Variants in GABRA3 observed in about 807,000 individuals in gnomAD.
The protein encoded by GABRA3 is gamma-aminobutyric acid receptor subunit alpha-3.
In GABRA3, 10 loss-of-function variants were observed where a neutral mutation model predicts 30.1. The ratio of observed to expected loss-of-function variants is 0.33; its 90% CI spans 0.20 to 0.56. GABRA3 has a LOEUF of 0.56. GABRA3 is among the 20% of genes least tolerant of loss of function. GABRA3 has a pLI of 0.89. For synonymous variants in GABRA3, 151 were observed against 146.8 expected (o/e 1.03, Z -0.21); for missense variants, 233 against 392.0 (o/e 0.59, Z 3.42).
intron 4 of GABRA3, among the ~76,000 whole-genome samples, chrX:152,280,356 GT>G (rs1939177748): frequency 9.0e-6 from 1 of 111,439 alleles, no homozygotes; most frequent in South Asian, 3.8e-4. Flanking sequence ...ATAGACAAAG[GT>G]TCTCATCCAG....
At chrX:152,242,499 A>T (rs960232421) in intron 5 of GABRA3, among the ~76,000 whole-genome samples, 2 of 112,161 alleles carry the variant, frequency 1.8e-5, no homozygotes, top group Admixed American at 9.5e-5. Flanking sequence ...GGGAGAAAAT[A>T]TTGCATACTA....
intron 3 of GABRA3, among the ~76,000 whole-genome samples, chrX:152,330,505 A>G (rs1479952979): frequency 1.8e-5 from 2 of 112,145 alleles, no homozygotes; most frequent in Non-Finnish European, 3.8e-5. Context: ...TACACCATGC[A>G]ATAGTATGCA....
At chrX:152,249,614 C>T (rs752448636) in intron 5 of GABRA3, among the ~76,000 whole-genome samples, 4 of 110,405 alleles carry the variant, frequency 3.6e-5, no homozygotes, top group East Asian at 5.7e-4. Flanking sequence ...TTTCTTCCTC[C>T]GCAATAAAGT....
intron 8 of GABRA3, among the ~76,000 whole-genome samples, chrX:152,191,661 A>G (rs1387557556): frequency 9.2e-6 from 1 of 108,815 alleles, no homozygotes; most frequent in Non-Finnish European, 1.9e-5. Context: ...AGGGTCAGCC[A>G]TGTGTGCTGA....
At chrX:152,392,104 G>C (rs780067258) in intron 1 of GABRA3, 2 of 299,445 alleles carry the variant, frequency 6.7e-6, no homozygotes, top group African/African-American at 2.7e-5. Context: ...AGTGAGCATT[G>C]TGCACATACA....
chrX:152,386,582 C>T (rs1196945232), intron 1 of GABRA3, among the ~76,000 whole-genome samples: 24 of 108,217 alleles, frequency 2.2e-4, no homozygotes, highest in African/African-American at 8.1e-4. Context: ...AAATGCAAAT[C>T]GAAACCACAA....
At chrX:152,422,620 C>T (rs796572150) in intron 1 of GABRA3, among the ~76,000 whole-genome samples, 1 of 111,164 alleles carries the variant, frequency 9.0e-6, no homozygotes, top group East Asian at 2.8e-4. Context: ...AAATATAGCA[C>T]GTTTCTGACT....
chrX:152,231,257 A>ATGTATATATACACGTATAT (rs1938069867), intron 5 of GABRA3, among the ~76,000 whole-genome samples: 1 of 104,604 alleles, frequency 9.6e-6, no homozygotes, highest in South Asian at 4.5e-4. Flanking sequence ...ATACACGTAT[A>ATGTATATATACACGTATAT]TGTATATATA....
chrX:152,207,280 A>C (rs1279747110), intron 7 of GABRA3, among the ~76,000 whole-genome samples: 2 of 111,250 alleles, frequency 1.8e-5, no homozygotes, highest in Non-Finnish European at 3.8e-5. Context: ...ATTTCATAGC[A>C]AAAAAAATAT....
intron 1 of GABRA3, among the ~76,000 whole-genome samples, chrX:152,422,651 T>C (rs1011973244): frequency 3.6e-5 from 4 of 111,525 alleles, no homozygotes; most frequent in Admixed American, 9.6e-5. Context: ...AAATATTTTA[T>C]AGATACTAGT....
intron 6 of GABRA3, among the ~76,000 whole-genome samples, chrX:152,216,680 G>C (rs1428486638): frequency 9.1e-6 from 1 of 109,609 alleles, no homozygotes; most frequent in Non-Finnish European, 1.9e-5. Context: ...TTGGTTAATG[G>C]AGGGAGATTG....
intron 3 of GABRA3, among the ~76,000 whole-genome samples, chrX:152,324,469 A>C (rs144278968): frequency 8.9e-6 from 1 of 112,236 alleles, no homozygotes; most frequent in Non-Finnish European, 1.9e-5. Context: ...TCTGAATTTC[A>C]TCAAGGCACT....
intron 5 of GABRA3, among the ~76,000 whole-genome samples, chrX:152,245,956 A>C (rs1193182181): frequency 8.9e-6 from 1 of 111,927 alleles, no homozygotes; most frequent in Non-Finnish European, 1.9e-5. Flanking sequence ...GGTAATTGGC[A>C]CATAGCAGAT....
chrX:152,381,084 G>A (rs756960328), intron 1 of GABRA3, among the ~76,000 whole-genome samples: 19 of 111,549 alleles, frequency 1.7e-4, no homozygotes, highest in South Asian at 1.5e-3. Context: ...TGCACATGCC[G>A]GCTTCCCCTT....
intron 1 of GABRA3, among the ~76,000 whole-genome samples, chrX:152,436,708 C>T (rs1930785092): frequency 9.0e-6 from 1 of 111,317 alleles, no homozygotes; most frequent in Admixed American, 9.6e-5. Context: ...ATGCCTGGAA[C>T]ATTACCTTGC....
At chrX:152,214,004 C>G (rs1343029339) in intron 6 of GABRA3, among the ~76,000 whole-genome samples, 1 of 110,839 alleles carries the variant, frequency 9.0e-6, no homozygotes, top group Non-Finnish European at 1.9e-5. Flanking sequence ...CAAGTCTGAG[C>G]TTTTAGTGTA....
intron 1 of GABRA3, among the ~76,000 whole-genome samples, chrX:152,394,821 G>T (rs749991489): frequency 5.6e-4 from 63 of 111,625 alleles, no homozygotes; most frequent in African/African-American, 2.0e-3. Flanking sequence ...AGTAAAAACT[G>T]CTCAGGTGAT....
chrX:152,330,301 A>G (rs770267265), intron 3 of GABRA3, among the ~76,000 whole-genome samples: 6 of 112,079 alleles, frequency 5.4e-5, no homozygotes, highest in South Asian at 3.7e-4. Context: ...CAATTCCTCA[A>G]GGATCTAGAA....
In GABRA3 at chrX:152,173,176, G is replaced by A. The variant is rs184878269; in HGVS notation, c.1144-4613C>T. 2.2e-3 allele frequency among the ~76,000 whole-genome samples: 242 copies of A among 110,232 alleles called. 2 individuals are homozygous for A. The South Asian group carries it at 0.041, about 19-fold the overall frequency. On this transcript the variant is annotated intron_variant, in intron 9 of 9. Coordinates refer to ENST00000370314, the MANE Select transcript of GABRA3 (RefSeq NM_000808.4). ...ATTTGGAACTGTCAGGTAAGTCAATGGAAAGGAGAGAAAATGCAGATGGAA... is the reference window on the plus strand; with the variant it reads ...ATTTGGAACTGTCAGGTAAGTCAATAGAAAGGAGAGAAAATGCAGATGGAA...
Sources: allele counts gnomAD v4.1 joint callset (sites outside exome capture counted in the v4.1 genomes callset), GRCh38; gene constraint gnomAD v4.1.1; transcripts MANE v1.5; gene names NCBI Gene and HGNC (gene_info 2026-07-23, HGNC 2026-07-21).